Variants in TPPP observed in about 807,000 individuals in gnomAD.
The protein encoded by TPPP is tubulin polymerization promoting protein.
Under a neutral mutation model 15.5 loss-of-function variants are expected in TPPP, and 6 were observed. That is an observed-to-expected ratio of 0.39 (90% CI 0.21 to 0.77). TPPP has a LOEUF of 0.77. Among genes scored for constraint, TPPP ranks in the 30% least tolerant of loss-of-function variants. The pLI, the probability that TPPP is intolerant of heterozygous loss-of-function variation, is 0.42. For synonymous variants in TPPP, 146 were observed against 133.9 expected (o/e 1.09, Z -0.63); for missense variants, 269 against 307.2 (o/e 0.88, Z 0.93).
At position 663,454 on chromosome 5, in the gene TPPP, C is replaced by T. The variant is rs1430937836; in HGVS notation, c.*1648G>A. 1.3e-5 allele frequency: 2 copies of T among 152,436 alleles called. No homozygotes were observed. The highest frequency in any genetic ancestry group is 1.3e-4 in the Admixed American group (2 of 15,286). The allele number at this position is 152,436 out of a possible 1,614,324, so 9.4% of individuals were successfully genotyped here. A position where few individuals can be genotyped will look rare whatever the true frequency, so the allele number is the denominator to read the frequency against. ...CAGCCCTGCCGTGGAAGCTGCCTGC[C>T]AGGTCCTCCCCATCCTCAGGTGGAG... On this transcript the variant is annotated 3_prime_UTR_variant, in exon 4 of 4. Coordinates refer to ENST00000360578, the MANE Select transcript of TPPP (RefSeq NM_007030.3).
In TPPP at chr5:671,897, C is replaced by CA. The variant is rs1740236825; in HGVS notation, c.312-5775_312-5774insT. Among the ~76,000 whole-genome samples, 7 of 152,300 alleles carry CA rather than the reference C, an allele frequency of 4.6e-5. No homozygotes were observed. The South Asian group carries it at 1.4e-3, about 32-fold the overall frequency. On this transcript the variant is annotated intron_variant, in intron 2 of 3. Transcript: ENST00000360578. ...GAGTGCAGCCCACCCTTCCCCCGGG[C>CA]TGGGTACCACGGGGGAGGGGGAGGG...
chr5:672,203 G>A (rs1740246957), intron 2 of TPPP, among the ~76,000 whole-genome samples: 1 of 152,108 alleles, frequency 6.6e-6, no homozygotes, highest in Non-Finnish European at 1.5e-5. Context: ...CCCCAGTGCC[G>A]GCTGGCCGGG....
At chr5:679,224 C>A (rs1208281799) in intron 1 of TPPP, among the ~76,000 whole-genome samples, 1 of 152,120 alleles carries the variant, frequency 6.6e-6, no homozygotes, top group Admixed American at 6.5e-5. Context: ...CCCTGAGATC[C>A]CACAAATTCC....
chr5:695,510 C>A (rs557598379), upstream of TPPP, among the ~76,000 whole-genome samples: 1 of 148,838 alleles, frequency 6.7e-6, no homozygotes, highest in African/African-American at 2.5e-5. Context: ...TAGAAAATCA[C>A]TACAAATGGG....
chr5:692,260 G>T (rs1329805043), intron 1 of TPPP, among the ~76,000 whole-genome samples: 11 of 96,182 alleles, frequency 1.1e-4, no homozygotes, highest in African/African-American at 4.0e-4. Context: ...CAAAACAGCA[G>T]CCTCCCAACC....
At chr5:693,378 T>TCCCGCCCAGCACCGCCCAGC (rs1561097033), upstream of TPPP, 7 of 131,872 alleles carry the variant, frequency 5.3e-5, no homozygotes, top group Non-Finnish European at 8.2e-5. Context: ...CGCCCGCCCG[T>TCCCGCCCAGCACCGCCCAGC]CCCGCCCAGC....
rs1196470851 is a variant in TPPP, at chr5:663,009, G to C, written c.*2093C>G. 3 of 151,196 alleles carry C rather than the reference G, an allele frequency of 2.0e-5. No individual in the cohort carries two copies. Among genetic ancestry groups the C allele is most frequent in the Non-Finnish European group, 2.9e-5 (2 of 69,108 alleles). 9.4% of individuals were successfully genotyped at this position (151,196 alleles called of 1,614,324 possible). A position where few individuals can be genotyped will look rare whatever the true frequency, so the allele number is the denominator to read the frequency against. On this transcript the variant is annotated 3_prime_UTR_variant, in exon 4 of 4. Transcript: ENST00000360578. ...TGCTCGTCTGTGATCGGGCGAGTCTGGTGACCGCTCGTCTGTGATCGGGTG... is the reference window on the plus strand; with the variant it reads ...TGCTCGTCTGTGATCGGGCGAGTCTCGTGACCGCTCGTCTGTGATCGGGTG...
intron 1 of TPPP, among the ~76,000 whole-genome samples, chr5:689,153 C>CT (rs199555957): frequency 0.2 from 3,626 of 17,930 alleles, 59 homozygotes; most frequent in African/African-American, 0.35. Flanking sequence ...ATGTCACATA[C>CT]TCCTGACAAG....
At chr5:682,365 G>A (rs2455361) in intron 1 of TPPP, among the ~76,000 whole-genome samples, 106 of 134,254 alleles carry the variant, frequency 7.9e-4, no homozygotes, top group African/African-American at 3.6e-3. Context: ...TGTTACTAGG[G>A]CCTGGGGTCT....
At chr5:698,120 A>G (rs1741045972), upstream of TPPP, among the ~76,000 whole-genome samples, 1 of 150,020 alleles carries the variant, frequency 6.7e-6, no homozygotes, top group Non-Finnish European at 1.5e-5. Flanking sequence ...GCCTCTCTTC[A>G]TGATAAAAAT....
At chr5:683,314 G>A (rs1740678318) in intron 1 of TPPP, among the ~76,000 whole-genome samples, 1 of 152,148 alleles carries the variant, frequency 6.6e-6, no homozygotes, top group Non-Finnish European at 1.5e-5. Context: ...GCAGCCGACT[G>A]GATTCCACCA....
At chr5:695,603 C>G (rs1053517401), upstream of TPPP, among the ~76,000 whole-genome samples, 10 of 151,208 alleles carry the variant, frequency 6.6e-5, no homozygotes, top group Non-Finnish European at 1.3e-4. Context: ...GTTCCCACCT[C>G]TTCCAGCTTC....
At chr5:672,518 G>T (rs1740258689) in intron 2 of TPPP, among the ~76,000 whole-genome samples, 1 of 151,290 alleles carries the variant, frequency 6.6e-6, no homozygotes, top group South Asian at 2.1e-4. Context: ...TCGGCTGGGT[G>T]CCCCCACCTG....
chr5:665,274 A>C lies in TPPP; in HGVS notation c.488T>G (p.Val163Gly). The change falls in exon 4 of 4, where the codon GTG becomes GGG. Residue 163 changes from valine to glycine, a missense_variant. By Grantham distance (109) the Val-to-Gly change is moderately radical. Coordinates refer to ENST00000360578, the MANE Select transcript of TPPP (RefSeq NM_007030.3). ...CTTGGTGGTGTCCGTGAGCCTCGAC[A>C]CTGTGGGCGACGAGATGGCTTTCTG... is the stretch of plus-strand genomic sequence containing the variant. ...GVTKAISSPT[V>G]SRLTDTTKFT... 6.2e-7 allele frequency: 1 copy of C among 1,613,326 alleles called. No individual in the cohort carries two copies. The highest frequency in any genetic ancestry group is 8.5e-7 in the Non-Finnish European group (1 of 1,179,780).
rs910632291 is a variant in TPPP, at chr5:663,061, G to A, written c.*2041C>T. 1 of 150,836 alleles carries A rather than the reference G, an allele frequency of 6.6e-6. No homozygotes were observed. Among genetic ancestry groups the A allele is most frequent in the Non-Finnish European group, 1.5e-5 (1 of 68,050 alleles). The allele number at this position is 150,836 out of a possible 1,614,324, so 9.3% of individuals were successfully genotyped here. A position where few individuals can be genotyped will look rare whatever the true frequency, so the allele number is the denominator to read the frequency against. ...GTCCGATGACTGCTCGTCTGTGATC[G>A]GGTGATTCCGATGACTGCTTGTCTG... On this transcript the variant is annotated 3_prime_UTR_variant, in exon 4 of 4. Transcript: ENST00000360578.
chr5:668,585 G>A (rs1740052220), intron 2 of TPPP, among the ~76,000 whole-genome samples: 1 of 152,254 alleles, frequency 6.6e-6, no homozygotes, highest in South Asian at 2.1e-4. Flanking sequence ...AGCAGGCCGC[G>A]GGGTGGGGGC....
chr5:685,347 C>T (rs2126911016), intron 1 of TPPP, among the ~76,000 whole-genome samples: 1 of 152,348 alleles, frequency 6.6e-6, no homozygotes, highest in African/African-American at 2.4e-5. Flanking sequence ...AGGGTGGAGT[C>T]CTGTGGCAGC....
Position 664,093 on chromosome 5 carries a change from G to C in TPPP, c.*1009C>G, listed in dbSNP as rs1333113511. 2.0e-5 allele frequency: 3 copies of C among 152,568 alleles called. No homozygotes were observed. The highest frequency in any genetic ancestry group is 1.3e-4 in the Admixed American group (2 of 15,290). 9.5% of individuals were successfully genotyped at this position (152,568 alleles called of 1,614,324 possible). A position where few individuals can be genotyped will look rare whatever the true frequency, so the allele number is the denominator to read the frequency against. On this transcript the variant is annotated 3_prime_UTR_variant, in exon 4 of 4. Coordinates refer to ENST00000360578, the MANE Select transcript of TPPP (RefSeq NM_007030.3). ...TCCCTAGTGTCCTGCTCTCCGGCGG[G>C]GGGGATTGGCCAGGAGAGGTTAGGC...
In TPPP at chr5:668,583, G is replaced by A. The variant is rs1044798799; in HGVS notation, c.312-2460C>T. Among the ~76,000 whole-genome samples, 126 of 152,392 alleles carry A rather than the reference G, an allele frequency of 8.3e-4. 2 individuals carry two copies. Among genetic ancestry groups the A allele is most frequent in the African/African-American group, 2.8e-3 (116 of 41,596 alleles). On this transcript the variant is annotated intron_variant, in intron 2 of 3. Coordinates refer to ENST00000360578, the MANE Select transcript of TPPP (RefSeq NM_007030.3). The stretch of plus-strand genomic sequence containing the variant: ...GCCGGCACCTCGAGCTGAGCAGGCC[G>A]CGGGGTGGGGGCCTCGTCCACACCC...
Sources: allele counts gnomAD v4.1 joint callset (sites outside exome capture counted in the v4.1 genomes callset), GRCh38; gene constraint gnomAD v4.1.1; transcripts MANE v1.5; gene names NCBI Gene and HGNC (gene_info 2026-07-23, HGNC 2026-07-21).